Variants in FBXO32 observed in about 807,000 individuals in gnomAD.
FBXO32 encodes F-box only protein 32.
A neutral mutation model predicts 48.3 loss-of-function variants in FBXO32; 15 were observed. The ratio of observed to expected loss-of-function variants is 0.31; its 90% CI spans 0.21 to 0.48. The LOEUF (loss-of-function observed/expected upper bound fraction) is 0.48, where lower values mean the gene tolerates loss of function less well. Among genes scored for constraint, FBXO32 ranks in the 20% least tolerant of loss-of-function variants. The pLI is 0.99. For missense variants in FBXO32, 309 were observed against 432.7 expected, an observed-to-expected ratio of 0.71 and a Z score of 2.54; for synonymous variants, 154 against 165.9, an observed-to-expected ratio of 0.93 and a Z score of 0.55.
chr8:123,541,069 G>A lies in FBXO32; in HGVS notation c.-55C>T. ...AGACGGGGCCGGCCTGGTGGGCTCG[G>A]GGACGTGCCACCCGGGGCGGATGCT... On this transcript the variant is annotated 5_prime_UTR_variant, in exon 1 of 9. Transcript: ENST00000517956. The A allele has an allele frequency of 8.0e-7, 1 of 1,245,214 alleles. No homozygotes were observed. The highest frequency in any genetic ancestry group is 1.1e-6 in the Non-Finnish European group (1 of 911,768). 77.1% of individuals were successfully genotyped at this position (1,245,214 alleles called of 1,614,324 possible).
At chr8:123,508,587 G>A (rs546895336) in intron 6 of FBXO32, among the ~76,000 whole-genome samples, 4 of 152,088 alleles carry the variant, frequency 2.6e-5, no homozygotes, top group African/African-American at 7.2e-5. Context: ...AATTTATACC[G>A]CTCGGTTCTA....
chr8:123,532,115 C>A, intron 3 of FBXO32, 125 bp from the exon 4 acceptor site: 2 of 1,473,534 alleles, frequency 1.4e-6, no homozygotes, highest in Non-Finnish European at 1.8e-6. Context: ...TCTTAGGTGA[C>A]CTGGGGCACT....
At chr8:123,503,684 G>A (rs1816548516) in intron 8 of FBXO32, among the ~76,000 whole-genome samples, 2 of 152,148 alleles carry the variant, frequency 1.3e-5, no homozygotes, top group South Asian at 4.1e-4. Context: ...AAAAGGAAGG[G>A]GATGCAGAGA....
chr8:123,529,204 C>T (rs1817150251), intron 4 of FBXO32, among the ~76,000 whole-genome samples: 2 of 152,146 alleles, frequency 1.3e-5, no homozygotes, highest in Non-Finnish European at 2.9e-5. Context: ...AGCAGTTTCT[C>T]TAAGATTATT....
Position 123,506,589 on chromosome 8 carries a change from G to T in FBXO32, c.652-15C>A. The T allele has an allele frequency of 6.4e-7, 1 of 1,566,820 alleles. No homozygotes were observed. ...TTGAAGGCAGGCTGCAGAGAGAAGG[G>T]TGACAATAGGTGGGGGGGCCAGAGA... On this transcript the variant is annotated splice_polypyrimidine_tract_variant and intron_variant, in intron 6 of 8. Coordinates refer to ENST00000517956, the MANE Select transcript of FBXO32 (RefSeq NM_058229.4). This position sits in a 1 kb window ranked among gnomAD's most constrained non-coding sequence, Gnocchi z 4.0.
rs1466652293 is a variant in FBXO32, at chr8:123,516,135, A to G, written c.373-1802T>C. Reference sequence around the variant, plus strand: ...AGAGACCCACCTTATGAGCCACTCCACAACTAGTGAGGACTCAGCAGAGTC... The same window carrying G: ...AGAGACCCACCTTATGAGCCACTCCGCAACTAGTGAGGACTCAGCAGAGTC... On this transcript the variant is annotated intron_variant, in intron 4 of 8. Transcript: ENST00000517956. Among the ~76,000 whole-genome samples, 3 of 152,264 alleles carry G rather than the reference A, an allele frequency of 2.0e-5. No individual in the cohort carries two copies. In the East Asian group the frequency reaches 5.8e-4, roughly 29 times the overall value.
rs919040762 is a variant in FBXO32, at chr8:123,501,964, G to A, written c.*1409C>T. The A allele has an allele frequency of 2.0e-5, 3 of 152,116 alleles. No individual in the cohort carries two copies. Among genetic ancestry groups the A allele is most frequent in the African/African-American group, 4.8e-5 (2 of 41,408 alleles). 9.4% of individuals were successfully genotyped at this position (152,116 alleles called of 1,614,324 possible). A position where few individuals can be genotyped will look rare whatever the true frequency, so the allele number is the denominator to read the frequency against. The stretch of plus-strand genomic sequence containing the variant: ...TCTATTCCCAGGAATATTTTACAAC[G>A]AACTCATTAGGTCCTGAGATTTCCT... On this transcript the variant is annotated 3_prime_UTR_variant, in exon 9 of 9. Transcript: ENST00000517956.
intron 1 of FBXO32, among the ~76,000 whole-genome samples, chr8:123,536,883 A>C (rs1817318148): frequency 6.6e-6 from 1 of 152,238 alleles, no homozygotes; most frequent in Admixed American, 6.5e-5. Flanking sequence ...CAGAAGCTAC[A>C]ATAACCTGCT....
Position 123,503,250 on chromosome 8 carries a change from T to C in FBXO32, c.*123A>G, listed in dbSNP as rs567243421. ...CCTCCAATGTCCTCTCCATGACTTA[T>C]CTCTGAAGTTTCGAGCCAATGTTTA... On this transcript the variant is annotated 3_prime_UTR_variant, in exon 9 of 9. Coordinates refer to ENST00000517956, the MANE Select transcript of FBXO32 (RefSeq NM_058229.4). 30 of 722,002 alleles carry C rather than the reference T, an allele frequency of 4.2e-5. No homozygotes were observed. The South Asian group carries it at 5.6e-4, about 13-fold the overall frequency. 44.7% of individuals were successfully genotyped at this position (722,002 alleles called of 1,614,324 possible).
intron 6 of FBXO32, among the ~76,000 whole-genome samples, chr8:123,507,154 T>C (rs1816642786): frequency 1.3e-5 from 2 of 152,348 alleles, no homozygotes; most frequent in Admixed American, 6.5e-5. Flanking sequence ...CCTTACTCAC[T>C]GCACCTTCCT....
intron 7 of FBXO32, among the ~76,000 whole-genome samples, chr8:123,505,062 C>A (rs1203747093): frequency 6.6e-6 from 1 of 152,206 alleles, no homozygotes; most frequent in East Asian, 1.9e-4. Flanking sequence ...CAGTAAACAA[C>A]TTTAATCTTT....
chr8:123,537,928 G>A (rs971129629), intron 1 of FBXO32, among the ~76,000 whole-genome samples: 2 of 152,074 alleles, frequency 1.3e-5, no homozygotes, highest in African/African-American at 2.4e-5. Context: ...GGGGGTGGGC[G>A]GTGAGGGGGT....
intron 5 of FBXO32, 61 bp downstream of exon 5, chr8:123,514,179 A>C (rs1472232978): frequency 7.8e-7 from 1 of 1,275,470 alleles, no homozygotes; most frequent in Non-Finnish European, 1.1e-6. Flanking sequence ...ACTTCATTGG[A>C]AAATCCATCT....
intron 4 of FBXO32, among the ~76,000 whole-genome samples, chr8:123,528,662 T>C (rs1246158442): frequency 6.6e-6 from 1 of 152,244 alleles, no homozygotes; most frequent in Admixed American, 6.5e-5. Context: ...TTTCTGACTC[T>C]AAACATTCGT....
In FBXO32 at chr8:123,540,472, C is replaced by T. The variant is rs1233102005; in HGVS notation, c.116+427G>A. Among the ~76,000 whole-genome samples the T allele has an allele frequency of 1.3e-5, 2 of 152,360 alleles. No individual in the cohort carries two copies. Among genetic ancestry groups the T allele is most frequent in the Admixed American group, 1.3e-4 (2 of 15,312 alleles). On this transcript the variant is annotated intron_variant, in intron 1 of 8. Transcript: ENST00000517956. This position sits in a 1 kb window ranked among gnomAD's most constrained non-coding sequence, Gnocchi z 6.4. ...ACCTGTCGCGTCCACAGCGCTTGGG[C>T]GCTGGGAGCCGGGCCACCCCGCGGT... is the stretch of plus-strand genomic sequence containing the variant.
intron 1 of FBXO32, among the ~76,000 whole-genome samples, chr8:123,535,446 C>T (rs1290681115): frequency 1.3e-5 from 2 of 152,160 alleles, no homozygotes; most frequent in East Asian, 3.8e-4. Flanking sequence ...TTATGTAGTG[C>T]CTTGACTAAA....
intron 4 of FBXO32, among the ~76,000 whole-genome samples, chr8:123,523,357 C>T (rs1348654665): frequency 6.6e-6 from 1 of 152,102 alleles, no homozygotes; most frequent in Non-Finnish European, 1.5e-5. Context: ...TTTCGGAGGC[C>T]AAGACAGGTG....
Position 123,506,937 on chromosome 8 carries a change from T to C in FBXO32, c.652-363A>G, listed in dbSNP as rs999729395. 4.4e-4 allele frequency among the ~76,000 whole-genome samples: 67 copies of C among 152,176 alleles called. No homozygotes were observed. The highest frequency in any genetic ancestry group is 1.6e-3 in the African/African-American group (66 of 41,446). ...CTGCCCTGGATGGAGTGGCCCAGCC[T>C]GCCACCCCAAGTCCCATCTCTCTGG... On this transcript the variant is annotated intron_variant, in intron 6 of 8. Transcript: ENST00000517956. The surrounding 1 kb of genome is among the most constrained non-coding windows in gnomAD (Gnocchi z 4.0).
At position 123,499,566 on chromosome 8, in the gene FBXO32, AT is replaced by A. The variant is rs1816437540; in HGVS notation, c.*3806del. The A allele has an allele frequency of 6.6e-6, 1 of 152,200 alleles. No homozygotes were observed. 9.4% of individuals were successfully genotyped at this position (152,200 alleles called of 1,614,324 possible). A position where few individuals can be genotyped will look rare whatever the true frequency, so the allele number is the denominator to read the frequency against. On this transcript the variant is annotated 3_prime_UTR_variant, in exon 9 of 9. Coordinates refer to ENST00000517956, the MANE Select transcript of FBXO32 (RefSeq NM_058229.4). ...ACAGTTAAAAAAATTCACACATAAA[AT>A]AGAGTGTTTGCATAGCAAGACATTA...
Sources: gnomAD v4.1 joint callset for allele counts (sites outside exome capture counted in the v4.1 genomes callset) on GRCh38, gnomAD v4.1.1 for gene constraint, Gnocchi (gnomAD v3.1) non-coding constraint, MANE v1.5 for transcripts, NCBI Gene and HGNC (gene_info 2026-07-23, HGNC 2026-07-21) for gene names.